MTCL2: variants seen among roughly 807,000 people sequenced by gnomAD.
The protein encoded by MTCL2 is microtubule crosslinking factor 2, also known as microtubule cross-linking factor 2.
the MTCL2 span, among the ~76,000 whole-genome samples, chr20:36,787,578 A>G: frequency 4.6e-5 from 7 of 152,178 alleles, no homozygotes; most frequent in South Asian, 1.5e-3. Flanking sequence ...TATTACCAAT[A>G]AACAGAAATA....
chr20:36,841,420 G>T, the MTCL2 span, among the ~76,000 whole-genome samples: 2 of 152,068 alleles, frequency 1.3e-5, no homozygotes, highest in South Asian at 2.1e-4. Flanking sequence ...TAGGGTGAGG[G>T]GGGGTGCTAT....
chr20:36,791,677 C>G, the MTCL2 span, among the ~76,000 whole-genome samples: 1 of 152,192 alleles, frequency 6.6e-6, no homozygotes, highest in African/African-American at 2.4e-5. Context: ...GGATTTGTGT[C>G]AGTCTCTCCT....
the MTCL2 span, chr20:36,786,539 G>A: frequency 3.2e-6 from 5 of 1,551,006 alleles, no homozygotes; most frequent in Admixed American, 2.0e-5. Flanking sequence ...ACTCTGAAGG[G>A]TGCAGCCTGC....
chr20:36,857,418 T>C, the MTCL2 span, among the ~76,000 whole-genome samples: 1 of 152,128 alleles, frequency 6.6e-6, no homozygotes, highest in Non-Finnish European at 1.5e-5. Flanking sequence ...CTAATCTGTC[T>C]GGAGGCGTGC....
At chr20:36,839,250 G>A in the MTCL2 span, 3 of 1,606,134 alleles carry the variant, frequency 1.9e-6, no homozygotes, top group Non-Finnish European at 2.5e-6. The surrounding 1 kb of genome is among the most constrained non-coding windows in gnomAD (Gnocchi z 5.1). Context: ...GGATAAGCTC[G>A]CCGTCCACCT....
chr20:36,785,339 A>C, the MTCL2 span: 2 of 985,342 alleles, frequency 2.0e-6, no homozygotes, highest in Non-Finnish European at 2.4e-6. Flanking sequence ...AACCTCCAAT[A>C]AATTACCTTA....
the MTCL2 span, chr20:36,783,646 G>A: frequency 2.6e-3 from 1,158 of 447,802 alleles, 14 homozygotes; most frequent in African/African-American, 0.023. Flanking sequence ...GAACGGGTTC[G>A]AGAAGGGCAG....
At chr20:36,810,713 TCTCC>T in the MTCL2 span, among the ~76,000 whole-genome samples, 80 of 132,806 alleles carry the variant, frequency 6.0e-4, 3 homozygotes, top group African/African-American at 2.3e-3. Context: ...TCCTTCTCTC[TCTCC>T]CTCTCTCTCT....
chr20:36,794,479 G>T, the MTCL2 span: 1 of 1,613,948 alleles, frequency 6.2e-7, no homozygotes, highest in African/African-American at 1.3e-5. This position sits in a 1 kb window ranked among gnomAD's most constrained non-coding sequence, Gnocchi z 5.4. Context: ...CTGGCTCGGA[G>T]CTCACAAAGC....
the MTCL2 span, among the ~76,000 whole-genome samples, chr20:36,855,937 C>T: frequency 6.6e-6 from 1 of 152,208 alleles, no homozygotes; most frequent in African/African-American, 2.4e-5. Flanking sequence ...CCAGGCCTCT[C>T]CGGCAGGGCA....
the MTCL2 span, chr20:36,806,057 T>G: frequency 1.1e-6 from 1 of 902,588 alleles, no homozygotes; most frequent in Non-Finnish European, 1.7e-6. Flanking sequence ...GGCTGGATAG[T>G]CAGGCCCTCC....
the MTCL2 span, among the ~76,000 whole-genome samples, chr20:36,806,728 C>A: frequency 6.6e-6 from 1 of 152,112 alleles, no homozygotes; most frequent in Non-Finnish European, 1.5e-5. Context: ...TCACGTTGAC[C>A]AGACTGGTCT....
chr20:36,804,763 C>T, the MTCL2 span: 17 of 1,613,938 alleles, frequency 1.1e-5, no homozygotes, highest in Admixed American at 5.0e-5. Flanking sequence ...GAGCTCTGCC[C>T]GCTCTGTCTC....
the MTCL2 span, chr20:36,793,183 A>G: frequency 1.4e-6 from 2 of 1,467,016 alleles, no homozygotes; most frequent in South Asian, 1.4e-5. This position sits in a 1 kb window ranked among gnomAD's most constrained non-coding sequence, Gnocchi z 6.8. Flanking sequence ...CTTAAAAACC[A>G]AAAGAGCTTG....
the MTCL2 span, chr20:36,817,418 T>A: frequency 6.3e-7 from 1 of 1,592,624 alleles, no homozygotes; most frequent in South Asian, 1.1e-5. Flanking sequence ...TGCACCAAAG[T>A]CTTCTTATCG....
chr20:36,860,325 C>T, the MTCL2 span, among the ~76,000 whole-genome samples: 1 of 152,024 alleles, frequency 6.6e-6, no homozygotes, highest in Non-Finnish European at 1.5e-5. Flanking sequence ...GGCAAACTGT[C>T]CCCTTTACCC....
the MTCL2 span, among the ~76,000 whole-genome samples, chr20:36,801,006 A>G: frequency 2.0e-5 from 3 of 152,164 alleles, no homozygotes; most frequent in Non-Finnish European, 4.4e-5. Flanking sequence ...GCAGAAATAT[A>G]TGTGTGGAGA....
the MTCL2 span, among the ~76,000 whole-genome samples, chr20:36,807,771 C>A: frequency 6.6e-6 from 1 of 151,586 alleles, no homozygotes; most frequent in South Asian, 2.1e-4. Flanking sequence ...GTGGCTCATG[C>A]CTGTAATCCC....
the MTCL2 span, among the ~76,000 whole-genome samples, chr20:36,834,393 C>T: frequency 5.9e-5 from 9 of 152,102 alleles, no homozygotes; most frequent in Non-Finnish European, 1.0e-4. Context: ...AGGAAGGGGG[C>T]GTGCTCCTGG....
Sources: gnomAD v4.1 joint callset for allele counts (sites outside exome capture counted in the v4.1 genomes callset) on GRCh38, gnomAD v4.1.1 for gene constraint, Gnocchi (gnomAD v3.1) non-coding constraint, MANE v1.5 for transcripts, NCBI Gene and HGNC (gene_info 2026-07-23, HGNC 2026-07-21) for gene names.